The following ZNF777 variants were observed in gnomAD, a reference collection of about 807,000 sequenced individuals.
ZNF777 encodes the protein zinc finger protein 777.
A neutral mutation model predicts 72.1 loss-of-function variants in ZNF777; 7 were observed. The ratio of observed to expected loss-of-function variants is 0.10; its 90% CI spans 0.06 to 0.18. ZNF777 has a LOEUF of 0.18. Ranked by LOEUF, ZNF777 falls within the 10% of genes least tolerant of loss-of-function variation. The pLI, the probability that ZNF777 is intolerant of heterozygous loss-of-function variation, is 1.00. For missense variants in ZNF777, 828 were observed against 1,128.6 expected, an observed-to-expected ratio of 0.73 and a Z score of 3.82; for synonymous variants, 545 against 483.5, an observed-to-expected ratio of 1.13 and a Z score of -1.67.
chr7:149,448,588 TA>T (rs1563237859), intron 4 of ZNF777, among the ~76,000 whole-genome samples: 9 of 45,692 alleles, frequency 2.0e-4, no homozygotes, highest in Non-Finnish European at 8.1e-5. Flanking sequence ...ACTATATATA[TA>T]TATATATATA....
intron 4 of ZNF777, among the ~76,000 whole-genome samples, chr7:149,442,378 G>T (rs1158910226): frequency 6.6e-6 from 1 of 151,890 alleles, no homozygotes; most frequent in Non-Finnish European, 1.5e-5. Context: ...AGCACTTTGG[G>T]AGGCCAAGGT....
At position 149,460,529 on chromosome 7, in the gene ZNF777, G is replaced by A. The variant is rs1799929416; in HGVS notation, c.-16+286C>T. On this transcript the variant is annotated intron_variant, in intron 1 of 5. Coordinates refer to ENST00000247930, the MANE Select transcript of ZNF777 (RefSeq NM_015694.3). This position sits in a 1 kb window ranked among gnomAD's most constrained non-coding sequence, Gnocchi z 6.1. ...CCCGGCCCCGGCTGCGAGCTGCGCT[G>A]CCGTCCCGGCGCCTCTTTAGCAGGG... is the stretch of plus-strand genomic sequence containing the variant. Among the ~76,000 whole-genome samples, 1 of 151,462 alleles carries A rather than the reference G, an allele frequency of 6.6e-6. No individual in the cohort carries two copies. Among genetic ancestry groups the A allele is most frequent in the Non-Finnish European group, 1.5e-5 (1 of 67,822 alleles).
intron 4 of ZNF777, among the ~76,000 whole-genome samples, chr7:149,445,175 A>G (rs1799582198): frequency 6.6e-6 from 1 of 151,812 alleles, no homozygotes; most frequent in Non-Finnish European, 1.5e-5. Flanking sequence ...TATTTCCAAG[A>G]GTTCCTTTCT....
Sources: allele counts gnomAD v4.1 joint callset (sites outside exome capture counted in the v4.1 genomes callset), GRCh38; gene constraint gnomAD v4.1.1; non-coding constraint Gnocchi (gnomAD v3.1); transcripts MANE v1.5; gene names NCBI Gene and HGNC (gene_info 2026-07-23, HGNC 2026-07-21).